The following SUGT1 variants were observed in gnomAD, a reference collection of about 807,000 sequenced individuals.
SUGT1 encodes the protein SGT1 assembly cochaperone of MIS12 kinetochore complex, also known as protein SGT1 homolog.
SUGT1 carries 15 observed loss-of-function variants against 56.1 expected under a neutral mutation model. The observed-to-expected ratio is 0.27, with a 90% CI of 0.18 to 0.41. The LOEUF is 0.41. Ranked by LOEUF, SUGT1 falls within the 10% of genes least tolerant of loss-of-function variation. The pLI is 1.00. For missense variants in SUGT1, 347 were observed against 382.2 expected, an observed-to-expected ratio of 0.91 and a Z score of 0.77; for synonymous variants, 123 against 128.6, an observed-to-expected ratio of 0.96 and a Z score of 0.30.
At chr13:52,658,105 A>C (rs1962250901) in intron 3 of SUGT1, 1 of 1,295,622 alleles carries the variant, frequency 7.7e-7, no homozygotes, top group East Asian at 4.2e-5. Context: ...ATAGGGAAAA[A>C]CTGAATACCT....
At chr13:52,678,342 G>A (rs955021970) in intron 11 of SUGT1, among the ~76,000 whole-genome samples, 1 of 152,140 alleles carries the variant, frequency 6.6e-6, no homozygotes, top group African/African-American at 2.4e-5. Context: ...GAATGGGCAG[G>A]GAGAAAGTCG....
In SUGT1 at chr13:52,696,914, CTTTTTTTTTTT is replaced by C. The variant is rs60107053; in HGVS notation, c.*9089_*9099del. On this transcript the variant is annotated 3_prime_UTR_variant, in exon 13 of 13. Transcript: ENST00000310528. ...TCAAAACCAGTGTGATATCCAAGTA[CTTTTTTTTTTT>C]TTTTTTTTTGCTATTTAATTTTGAG... The C allele has an allele frequency of 3.7e-5, 4 of 108,792 alleles. No individual in the cohort carries two copies. The highest frequency in any genetic ancestry group is 1.1e-4 in the African/African-American group (3 of 28,556). 6.7% of individuals were successfully genotyped at this position (108,792 alleles called of 1,614,324 possible).
At position 52,662,827 on chromosome 13, in the gene SUGT1, T is replaced by C. The variant is rs943565691; in HGVS notation, c.382+125T>C. 1.7e-5 allele frequency: 17 copies of C among 1,000,646 alleles called. No individual in the cohort carries two copies. The Admixed American group carries it at 2.8e-4, about 16-fold the overall frequency. The allele number at this position is 1,000,646 out of a possible 1,614,324, so 62.0% of individuals were successfully genotyped here. A position where few individuals can be genotyped will look rare whatever the true frequency, so the allele number is the denominator to read the frequency against. ...TTTAAATAGTATACGTTTCCTTAGATGTGGACTTCCAAAGATACACTGGTT... is the reference window on the plus strand; with the variant it reads ...TTTAAATAGTATACGTTTCCTTAGACGTGGACTTCCAAAGATACACTGGTT... On this transcript the variant is annotated intron_variant, in intron 6 of 12. Transcript: ENST00000310528.
In SUGT1 at chr13:52,691,953, A is replaced by T. The variant is rs189108379; in HGVS notation, c.*4118A>T. 6.6e-6 allele frequency: 1 copy of T among 152,166 alleles called. No homozygotes were observed. Among genetic ancestry groups the T allele is most frequent in the Admixed American group, 6.5e-5 (1 of 15,272 alleles). The allele number at this position is 152,166 out of a possible 1,614,324, so 9.4% of individuals were successfully genotyped here. A position where few individuals can be genotyped will look rare whatever the true frequency, so the allele number is the denominator to read the frequency against. On this transcript the variant is annotated 3_prime_UTR_variant, in exon 13 of 13. Coordinates refer to ENST00000310528, the MANE Select transcript of SUGT1 (RefSeq NM_006704.5). ...TGGGGAAAATATTGATTTACCTACA[A>T]ATGTTACTATTTGGAGCCATCCTTG...
Position 52,696,950 on chromosome 13 carries a change from G to T in SUGT1, c.*9115G>T, listed in dbSNP as rs2138198620. The T allele has an allele frequency of 7.3e-6, 1 of 136,844 alleles. No homozygotes were observed. The highest frequency in any genetic ancestry group is 1.6e-5 in the Non-Finnish European group (1 of 63,618). The allele number at this position is 136,844 out of a possible 1,614,324, so 8.5% of individuals were successfully genotyped here. A position where few individuals can be genotyped will look rare whatever the true frequency, so the allele number is the denominator to read the frequency against. ...TTTTTTTTTTGCTATTTAATTTTGA[G>T]ATACCATTTTTTGGAGGGGTGTCCT... is the stretch of plus-strand genomic sequence containing the variant. On this transcript the variant is annotated 3_prime_UTR_variant, in exon 13 of 13. Coordinates refer to ENST00000310528, the MANE Select transcript of SUGT1 (RefSeq NM_006704.5).
chr13:52,656,151 A>T (rs1420482319), intron 2 of SUGT1, among the ~76,000 whole-genome samples: 1 of 152,174 alleles, frequency 6.6e-6, no homozygotes, highest in African/African-American at 2.4e-5. Flanking sequence ...GGCAAAGGAG[A>T]TGCAGTCAAA....
At chr13:52,684,966 T>C (rs1272952162) in intron 12 of SUGT1, among the ~76,000 whole-genome samples, 6 of 151,460 alleles carry the variant, frequency 4.0e-5, no homozygotes, top group Non-Finnish European at 5.9e-5. Context: ...CAGCTCCAAG[T>C]CTAGGATATA....
At chr13:52,679,839 A>T (rs986326138) in intron 11 of SUGT1, 135 bp from the exon 12 acceptor site, 2 of 772,926 alleles carry the variant, frequency 2.6e-6, no homozygotes, top group Non-Finnish European at 3.8e-6. Flanking sequence ...CCAGAAAGAC[A>T]CTTATTGCAT....
chr13:52,688,457 C>A lies in SUGT1; in HGVS notation c.*622C>A, dbSNP rs1019880859. 6.6e-6 allele frequency: 1 copy of A among 152,072 alleles called. No homozygotes were observed. The highest frequency in any genetic ancestry group is 1.5e-5 in the Non-Finnish European group (1 of 68,024). 9.4% of individuals were successfully genotyped at this position (152,072 alleles called of 1,614,324 possible). On this transcript the variant is annotated 3_prime_UTR_variant, in exon 13 of 13. Transcript: ENST00000310528. ...CAAGTTTCTGTATAAAACATAGATA[C>A]CTGAGTTTTAACACACTGCAAGTTT...
chr13:52,677,069 A>G (rs982268453), intron 11 of SUGT1, among the ~76,000 whole-genome samples: 2 of 152,100 alleles, frequency 1.3e-5, no homozygotes, highest in African/African-American at 4.8e-5. Context: ...AATGACTGAA[A>G]CAAGCTAACA....
In SUGT1 at chr13:52,662,644, T is replaced by G; in HGVS notation, c.329-5T>G. ...GTGATGTTATAGTCAGTTTTTTCTT[T>G]CTAGGTGCAGATGCTAATTTCAGTG... On this transcript the variant is annotated splice_polypyrimidine_tract_variant and splice_region_variant and intron_variant, in intron 5 of 12. Coordinates refer to ENST00000310528, the MANE Select transcript of SUGT1 (RefSeq NM_006704.5). The G allele has an allele frequency of 6.2e-7, 1 of 1,613,784 alleles. No homozygotes were observed. The highest frequency in any genetic ancestry group is 1.1e-5 in the South Asian group (1 of 91,034).
At chr13:52,683,755 T>TA (rs1963464175) in intron 12 of SUGT1, among the ~76,000 whole-genome samples, 1 of 152,232 alleles carries the variant, frequency 6.6e-6, no homozygotes, top group African/African-American at 2.4e-5. Context: ...TGAATTTAGT[T>TA]AACCTAAAAG....
chr13:52,669,029 T>G (rs1761106207), intron 10 of SUGT1, among the ~76,000 whole-genome samples: 1 of 152,208 alleles, frequency 6.6e-6, no homozygotes, highest in Admixed American at 6.5e-5. Context: ...TTCTTTTTTC[T>G]CTTTTGAGTC....
intron 10 of SUGT1, among the ~76,000 whole-genome samples, chr13:52,667,355 T>C (rs1962751518): frequency 6.6e-6 from 1 of 152,166 alleles, no homozygotes; most frequent in South Asian, 2.1e-4. Flanking sequence ...TTTTTTGTTG[T>C]TGTTGTTGAG....
At chr13:52,656,932 A>G (rs916807386) in intron 2 of SUGT1, among the ~76,000 whole-genome samples, 16 of 152,314 alleles carry the variant, frequency 1.1e-4, no homozygotes, top group East Asian at 7.7e-4. Context: ...AAAAGTTTCA[A>G]TCTCTAATGT....
intron 10 of SUGT1, among the ~76,000 whole-genome samples, chr13:52,671,003 C>T (rs1962914217): frequency 6.6e-6 from 1 of 152,036 alleles, no homozygotes; most frequent in Non-Finnish European, 1.5e-5. Context: ...CTTTTCTCTT[C>T]TCCCACTTTG....
intron 10 of SUGT1, among the ~76,000 whole-genome samples, chr13:52,673,110 T>G (rs1323090903): frequency 6.6e-6 from 1 of 152,240 alleles, no homozygotes; most frequent in African/African-American, 2.4e-5. Flanking sequence ...GAAATTGGAC[T>G]GGTGCTAATT....
chr13:52,659,428 CT>C (rs1394563700), intron 5 of SUGT1, among the ~76,000 whole-genome samples, 179 bp downstream of exon 5: 3 of 152,028 alleles, frequency 2.0e-5, no homozygotes, highest in African/African-American at 7.2e-5. Flanking sequence ...TTAAATTAGC[CT>C]TTTGGCATTT....
intron 11 of SUGT1, among the ~76,000 whole-genome samples, chr13:52,679,515 C>T (rs982870457): frequency 4.6e-5 from 7 of 152,086 alleles, no homozygotes; most frequent in African/African-American, 1.7e-4. Flanking sequence ...ATACTAAGTA[C>T]TTTAGAAAAA....
Sources: allele counts gnomAD v4.1 joint callset (sites outside exome capture counted in the v4.1 genomes callset), GRCh38; gene constraint gnomAD v4.1.1; transcripts MANE v1.5; gene names NCBI Gene and HGNC (gene_info 2026-07-23, HGNC 2026-07-21).